DGKK: variants seen among roughly 807,000 people sequenced by gnomAD.
DGKK encodes the protein 142 kDa diacylglycerol kinase.
A neutral mutation model predicts 92.2 loss-of-function variants in DGKK; 35 were observed. The ratio of observed to expected loss-of-function variants is 0.38; its 90% CI spans 0.29 to 0.50. The LOEUF is 0.50. DGKK is among the 20% of genes least tolerant of loss of function. The probability of loss-of-function intolerance (pLI) is 0.92; values close to 1 mark genes in which losing one functional copy is unlikely to be tolerated. For missense variants in DGKK, 910 were observed against 992.2 expected (o/e 0.92, Z 1.11); for synonymous variants, 368 against 360.6 (o/e 1.02, Z -0.23).
intron 1 of DGKK, among the ~76,000 whole-genome samples, chrX:50,457,265 C>T (rs375082334): frequency 1.4e-4 from 16 of 111,453 alleles, no homozygotes; most frequent in East Asian, 8.5e-4. Context: ...ACCTTTAGTT[C>T]TTCATTTTAT....
At chrX:50,422,398 C>A (rs1557229227) in intron 3 of DGKK, 48 bp downstream of exon 3, 1 of 1,021,813 alleles carries the variant, frequency 9.8e-7, no homozygotes, top group Admixed American at 2.6e-5. Context: ...GCTATCTTCC[C>A]AGCTAGCCCC....
At position 50,447,370 on chromosome X, in the gene DGKK, TATATATATATATA is replaced by T. The variant is rs1465653519; in HGVS notation, c.645+22651_645+22663del. On this transcript the variant is annotated intron_variant, in intron 1 of 27. Transcript: ENST00000611977. ...ATATATATATATAATATATATATAT[TATATATATATATA>T]ATATATATATATTATATATATATAT... Among the ~76,000 whole-genome samples, 8 of 8,547 alleles carry T rather than the reference TATATATATATATA, an allele frequency of 9.4e-4. 1 individual carries two copies. The highest frequency in any genetic ancestry group is 4.3e-3 in the African/African-American group (4 of 932). The allele number at this position is 8,547 out of a possible 115,157, so 7.4% of individuals were successfully genotyped here. A position where few individuals can be genotyped will look rare whatever the true frequency, so the allele number is the denominator to read the frequency against.
intron 27 of DGKK, among the ~76,000 whole-genome samples, chrX:50,369,425 T>A (rs186237249): frequency 9.0e-6 from 1 of 110,590 alleles, no homozygotes; most frequent in African/African-American, 3.3e-5. Context: ...TGTCCCTTTC[T>A]TTTTTTCTTT....
chrX:50,380,193 C>T (rs1368411872), intron 18 of DGKK, 116 bp from the exon 19 acceptor site: 2 of 586,590 alleles, frequency 3.4e-6, no homozygotes, highest in Non-Finnish European at 5.5e-6. Context: ...AGAGAGGAGT[C>T]ATGCTAAATG....
At chrX:50,407,711 G>A (rs1267720530) in intron 4 of DGKK, among the ~76,000 whole-genome samples, 1 of 111,836 alleles carries the variant, frequency 8.9e-6, no homozygotes, top group African/African-American at 3.3e-5. Flanking sequence ...TAAGCAAAAA[G>A]TCACCAGAAC....
rs782552872 is a variant in DGKK, at chrX:50,370,539, G to T, written c.3623C>A (p.Ser1208Ter). Residue 1208 changes from serine (S) to a stop codon, truncating the protein, a stop_gained, in exon 27 of 28, where the codon TCG (serine) becomes TAG (stop). Coordinates refer to ENST00000611977, the MANE Select transcript of DGKK (RefSeq NM_001013742.4). LOFTEE classifies it high-confidence loss of function. ...NPIFVPEEKS[S>*]DTDSRSLRLK... ...CCTGAGGCTTCTACTGTCAGTGTCCGAAGATTTTTCCTGAGAAACCACAAG... is the reference window on the plus strand; with the variant it reads ...CCTGAGGCTTCTACTGTCAGTGTCCTAAGATTTTTCCTGAGAAACCACAAG... 1 of 1,197,360 alleles carries T rather than the reference G, an allele frequency of 8.4e-7. No homozygotes were observed.
intron 1 of DGKK, among the ~76,000 whole-genome samples, chrX:50,452,357 G>A (rs1021672412): frequency 2.7e-5 from 3 of 112,160 alleles, no homozygotes; most frequent in African/African-American, 9.7e-5. Flanking sequence ...ATTCCAAAGA[G>A]TCTAAAACAT....
rs1194476452 is a variant in DGKK, at chrX:50,366,610, C to T, written c.*2330G>A. 2 of 112,224 alleles carry T rather than the reference C, an allele frequency of 1.8e-5. No homozygotes were observed. The highest frequency in any genetic ancestry group is 6.5e-5 in the African/African-American group (2 of 30,854). The allele number at this position is 112,224 out of a possible 1,213,427, so 9.2% of individuals were successfully genotyped here. A position where few individuals can be genotyped will look rare whatever the true frequency, so the allele number is the denominator to read the frequency against. On this transcript the variant is annotated 3_prime_UTR_variant, in exon 28 of 28. Transcript: ENST00000611977. The stretch of plus-strand genomic sequence containing the variant: ...ATAAAAATAATTATAAGACACAGCC[C>T]TGCTTAGTCACTGCCAAGATAAAGC...
chrX:50,375,416 G>A (rs1924245107), intron 24 of DGKK, among the ~76,000 whole-genome samples: 1 of 111,704 alleles, frequency 9.0e-6, no homozygotes, highest in South Asian at 3.8e-4. Context: ...CATCATTCCA[G>A]GGCAGGTGAA....
At chrX:50,420,322 C>T in intron 4 of DGKK, 81 bp downstream of exon 4, 1 of 877,962 alleles carries the variant, frequency 1.1e-6, no homozygotes, top group Non-Finnish European at 1.6e-6. Flanking sequence ...TTATTATTTC[C>T]CTGCTCTAAA....
intron 1 of DGKK, among the ~76,000 whole-genome samples, chrX:50,430,587 A>C (rs1483091970): frequency 9.0e-6 from 1 of 111,661 alleles, no homozygotes; most frequent in African/African-American, 3.3e-5. Context: ...AGGCATACGT[A>C]ATTCAGGTCC....
Position 50,470,305 on chromosome X carries a change from G to A in DGKK, c.374C>T (p.Pro125Leu), listed in dbSNP as rs782270809. Reference sequence around the variant, plus strand: ...CGACTCTAGGGCAGGTTCTGGAGTCGGCTCTGGGGCAGACTCTGTGGCAGG... The same window carrying A: ...CGACTCTAGGGCAGGTTCTGGAGTCAGCTCTGGGGCAGACTCTGTGGCAGG... ...PEPATESAPE[P>L]TPEPALESVP... The change falls in exon 1 of 28, where the codon CCG becomes CTG. Residue 125 changes from proline (P) to leucine (L), a missense_variant. Pro to Leu is a moderately conservative substitution (Grantham distance 98). Transcript: ENST00000611977. 1.5e-5 allele frequency: 18 copies of A among 1,205,206 alleles called. No individual in the cohort carries two copies. The highest frequency in any genetic ancestry group is 2.0e-5 in the Non-Finnish European group (18 of 892,946).
At chrX:50,384,625 A>T (rs782593843) in intron 16 of DGKK, 95 bp downstream of exon 16, 1 of 822,473 alleles carries the variant, frequency 1.2e-6, no homozygotes, top group African/African-American at 2.0e-5. Context: ...GATTATGGCT[A>T]AAAGAGGATG....
At chrX:50,452,012 A>G (rs1362183927) in intron 1 of DGKK, among the ~76,000 whole-genome samples, 3 of 112,328 alleles carry the variant, frequency 2.7e-5, no homozygotes, top group African/African-American at 9.7e-5. Flanking sequence ...AGGGGCTACC[A>G]TAGTTTTAAA....
rs782782534 is a variant in DGKK, at chrX:50,470,092, G to A, written c.587C>T (p.Ser196Leu). The change falls in exon 1 of 28, where the codon TCG becomes TTG. Residue 196 changes from serine (S) to leucine (L), a missense_variant. Physicochemically the swap from Ser to Leu is moderately radical, Grantham distance 145 (BLOSUM62 -2). Transcript: ENST00000611977. Reference protein sequence around the residue: ...VDTRERGLKTSPSPSPSPSPR... With the variant: ...VDTRERGLKTLPSPSPSPSPR... ...CGATGGCGATGGCGATGGCGATGGC[G>A]AGGTCTTTAGACCTCTCTCTCGAGT... 1.1e-5 allele frequency: 13 copies of A among 1,208,713 alleles called. No individual in the cohort carries two copies. The highest frequency in any genetic ancestry group is 1.3e-5 in the Non-Finnish European group (12 of 894,516).
intron 1 of DGKK, among the ~76,000 whole-genome samples, chrX:50,446,823 C>G (rs370361702): frequency 2.5e-4 from 28 of 110,914 alleles, no homozygotes; most frequent in African/African-American, 9.2e-4. Context: ...TCATGAAATT[C>G]TTTCTGCTGT....
At chrX:50,445,459 A>G (rs1249094265) in intron 1 of DGKK, among the ~76,000 whole-genome samples, 1 of 110,977 alleles carries the variant, frequency 9.0e-6, no homozygotes, top group Non-Finnish European at 1.9e-5. Flanking sequence ...ATTTTTGTAT[A>G]TGGTGTAAGG....
intron 4 of DGKK, among the ~76,000 whole-genome samples, chrX:50,406,753 T>C (rs1925164276): frequency 8.9e-6 from 1 of 111,959 alleles, no homozygotes; most frequent in South Asian, 3.8e-4. Flanking sequence ...ATACCTTAAT[T>C]TGGGACTTCT....
intron 1 of DGKK, among the ~76,000 whole-genome samples, chrX:50,451,199 T>C (rs782543343): frequency 2.7e-5 from 3 of 111,726 alleles, no homozygotes; most frequent in East Asian, 5.7e-4. Context: ...AAAAACTCTA[T>C]GTAGATATTG....
Sources: gnomAD v4.1 joint callset for allele counts (sites outside exome capture counted in the v4.1 genomes callset) on GRCh38, gnomAD v4.1.1 for gene constraint, MANE v1.5 for transcripts, NCBI Gene and HGNC (gene_info 2026-07-23, HGNC 2026-07-21) for gene names.